Variants in CCSER1 observed in about 807,000 individuals in gnomAD.
CCSER1 encodes serine-rich coiled-coil domain-containing protein 1.
CCSER1 carries 41 observed loss-of-function variants against 82.0 expected under a neutral mutation model. The ratio of observed to expected loss-of-function variants is 0.50; its 90% CI spans 0.39 to 0.65. CCSER1 has a LOEUF of 0.65. Among genes scored for constraint, CCSER1 ranks in the 30% least tolerant of loss-of-function variants. The pLI, the probability that CCSER1 is intolerant of heterozygous loss-of-function variation, is 0.00. For synonymous variants in CCSER1, 414 were observed against 383.9 expected, an observed-to-expected ratio of 1.08 and a Z score of -0.92; for missense variants, 1,119 against 1,064.2, an observed-to-expected ratio of 1.05 and a Z score of -0.72.
intron 4 of CCSER1, among the ~76,000 whole-genome samples, chr4:90,454,107 T>C (rs1022082990): frequency 6.6e-6 from 1 of 152,158 alleles, no homozygotes; most frequent in Non-Finnish European, 1.5e-5. Flanking sequence ...GCCTGGGCAG[T>C]CTTTCCTGAA....
At chr4:90,502,252 G>A (rs1433485945) in intron 5 of CCSER1, among the ~76,000 whole-genome samples, 1 of 152,136 alleles carries the variant, frequency 6.6e-6, no homozygotes, top group Non-Finnish European at 1.5e-5. Context: ...TGGAGGAAGT[G>A]TGAAGGGGAA....
chr4:91,460,180 T>C (rs148988019), intron 10 of CCSER1, among the ~76,000 whole-genome samples: 24 of 152,224 alleles, frequency 1.6e-4, no homozygotes, highest in Non-Finnish European at 3.2e-4. Flanking sequence ...AACAAAAAAA[T>C]TTACATGTGT....
intron 10 of CCSER1, among the ~76,000 whole-genome samples, chr4:91,309,257 A>G (rs1745279860): frequency 6.6e-6 from 1 of 151,980 alleles, no homozygotes; most frequent in Admixed American, 6.6e-5. Context: ...TTTTCCTTCT[A>G]ATGGCAAGGC....
intron 10 of CCSER1, among the ~76,000 whole-genome samples, chr4:91,254,454 C>T (rs1205230066): frequency 6.6e-6 from 1 of 152,044 alleles, no homozygotes; most frequent in Non-Finnish European, 1.5e-5. Flanking sequence ...CATAAAATGA[C>T]AAGTACTATC....
chr4:90,427,661 G>A (rs185416069), intron 4 of CCSER1, among the ~76,000 whole-genome samples: 26 of 151,540 alleles, frequency 1.7e-4, no homozygotes, highest in African/African-American at 5.3e-4. Context: ...TTATGCAAGC[G>A]TATTTCTTTA....
At chr4:90,916,981 G>A (rs1456548983) in intron 8 of CCSER1, among the ~76,000 whole-genome samples, 1 of 152,184 alleles carries the variant, frequency 6.6e-6, no homozygotes, top group Admixed American at 6.5e-5. Flanking sequence ...TCTCACACCA[G>A]TTAGAATGGT....
intron 4 of CCSER1, among the ~76,000 whole-genome samples, chr4:90,467,894 C>T (rs773575945): frequency 3.3e-5 from 5 of 152,076 alleles, no homozygotes; most frequent in Non-Finnish European, 7.4e-5. Flanking sequence ...GATCTTGATG[C>T]TGACTTAGCA....
At chr4:91,287,384 A>G (rs1743358730) in intron 10 of CCSER1, among the ~76,000 whole-genome samples, 1 of 151,706 alleles carries the variant, frequency 6.6e-6, no homozygotes, top group African/African-American at 2.4e-5. Flanking sequence ...TTTTTTCTGT[A>G]TCTACTGTTC....
chr4:91,307,153 A>G (rs1326899222), intron 10 of CCSER1, among the ~76,000 whole-genome samples: 1 of 151,966 alleles, frequency 6.6e-6, no homozygotes, highest in Non-Finnish European at 1.5e-5. Flanking sequence ...AGTTGTGGTT[A>G]TATCCATTAT....
At chr4:90,416,563 T>C (rs991720820) in intron 4 of CCSER1, among the ~76,000 whole-genome samples, 8 of 152,148 alleles carry the variant, frequency 5.3e-5, no homozygotes, top group African/African-American at 1.9e-4. Flanking sequence ...CTATTCTCAG[T>C]TGCCCAAAAT....
intron 9 of CCSER1, among the ~76,000 whole-genome samples, chr4:90,963,577 C>T (rs1401403325): frequency 6.6e-6 from 1 of 151,856 alleles, no homozygotes; most frequent in East Asian, 1.9e-4. Context: ...TGACTGGTGT[C>T]CTTGTAAGAA....
intron 1 of CCSER1, among the ~76,000 whole-genome samples, chr4:90,166,062 A>G (rs954090869): frequency 6.6e-6 from 1 of 152,032 alleles, no homozygotes; most frequent in Non-Finnish European, 1.5e-5. Context: ...CGACTTTATG[A>G]TGGTGCGAAA....
intron 4 of CCSER1, among the ~76,000 whole-genome samples, chr4:90,428,269 AAAAG>A (rs909876282): frequency 7.9e-5 from 12 of 151,802 alleles, no homozygotes; most frequent in African/African-American, 1.7e-4. Context: ...AACATCAACA[AAAAG>A]AAAGAAAGAA....
At chr4:90,264,370 A>G (rs994231979) in intron 1 of CCSER1, among the ~76,000 whole-genome samples, 6 of 152,190 alleles carry the variant, frequency 3.9e-5, no homozygotes, top group African/African-American at 1.2e-4. Flanking sequence ...CCTGACTCCC[A>G]AAGACATTAA....
At chr4:90,831,224 G>T (rs916666419) in intron 8 of CCSER1, among the ~76,000 whole-genome samples, 3 of 152,110 alleles carry the variant, frequency 2.0e-5, no homozygotes, top group African/African-American at 7.2e-5. Context: ...GGAAGGTAGG[G>T]TTGAATACTG....
At chr4:90,555,080 T>A (rs375632339) in intron 5 of CCSER1, among the ~76,000 whole-genome samples, 14 of 152,284 alleles carry the variant, frequency 9.2e-5, no homozygotes, top group African/African-American at 3.4e-4. Context: ...CTGTAATGCA[T>A]TTTTTGCTCA....
chr4:91,503,378 TTTTCA>T lies in CCSER1; in HGVS notation c.2218-95193_2218-95189del, dbSNP rs1430856183. 1.8e-4 allele frequency among the ~76,000 whole-genome samples: 27 copies of T among 151,828 alleles called. No individual in the cohort carries two copies. The East Asian group carries it at 3.7e-3, about 21-fold the overall frequency. On this transcript the variant is annotated intron_variant, in intron 10 of 10. Coordinates refer to ENST00000509176, the MANE Select transcript of CCSER1 (RefSeq NM_001145065.2). ...AAAGAAAAAAAGAAAGATTTCCATA[TTTTCA>T]ATGGCTATATGTGCTGTAGAAAGGG...
chr4:90,840,653 A>G (rs1242411418), intron 8 of CCSER1, among the ~76,000 whole-genome samples: 1 of 152,248 alleles, frequency 6.6e-6, no homozygotes, highest in African/African-American at 2.4e-5. Flanking sequence ...TGTCCTCACT[A>G]CAGTGCCTAT....
intron 4 of CCSER1, among the ~76,000 whole-genome samples, chr4:90,437,926 TA>T (rs1355089063): frequency 6.6e-6 from 1 of 152,172 alleles, no homozygotes; most frequent in Non-Finnish European, 1.5e-5. Context: ...CAACAATAGT[TA>T]AAAATATGGA....
Sources: allele counts gnomAD v4.1 joint callset (sites outside exome capture counted in the v4.1 genomes callset), GRCh38; gene constraint gnomAD v4.1.1; transcripts MANE v1.5; gene names NCBI Gene and HGNC (gene_info 2026-07-23, HGNC 2026-07-21).